Variants in PCMTD2 observed in about 807,000 individuals in gnomAD.
PCMTD2 encodes protein-L-isoaspartate (D-aspartate) O-methyltransferase domain containing 2, also known as protein-L-isoaspartate O-methyltransferase domain-containing protein 2.
In PCMTD2, 16 loss-of-function variants were observed where a neutral mutation model predicts 33.4. That is an observed-to-expected ratio of 0.48 (90% CI 0.32 to 0.73). The LOEUF (loss-of-function observed/expected upper bound fraction) is 0.73, where lower values mean the gene tolerates loss of function less well. PCMTD2 is among the 30% of genes least tolerant of loss of function. PCMTD2 has a pLI of 0.03. For missense variants in PCMTD2, 374 were observed against 449.9 expected, an observed-to-expected ratio of 0.83 and a Z score of 1.53; for synonymous variants, 161 against 160.8, an observed-to-expected ratio of 1.00 and a Z score of -0.01.
At chr20:64,258,941 C>T (rs73147887) in intron 1 of PCMTD2, 1 of 152,036 alleles carries the variant, frequency 6.6e-6, no homozygotes. Context: ...GACTTCTCCG[C>T]GTGAAAAAGT....
intron 5 of PCMTD2, among the ~76,000 whole-genome samples, chr20:64,269,730 C>T (rs543370422): frequency 1.9e-4 from 28 of 145,492 alleles, no homozygotes; most frequent in African/African-American, 5.9e-4. Context: ...CGTGAGAGTG[C>T]GGACATGCGC....
At chr20:64,264,862 A>ATT in intron 3 of PCMTD2, among the ~76,000 whole-genome samples, 1 of 152,254 alleles carries the variant, frequency 6.6e-6, no homozygotes, top group Non-Finnish European at 1.5e-5. Flanking sequence ...AAAAGAAGGC[A>ATT]TTAAAGTTCT....
chr20:64,273,108 A>G (rs1985972071), intron 5 of PCMTD2, 113 bp from the exon 6 acceptor site: 5 of 804,268 alleles, frequency 6.2e-6, no homozygotes, highest in South Asian at 1.7e-5. Flanking sequence ...TTCTTGTAAC[A>G]TATTCATAAA....
intron 5 of PCMTD2, among the ~76,000 whole-genome samples, chr20:64,268,612 G>A (rs1985755671): frequency 6.6e-6 from 1 of 152,098 alleles, no homozygotes; most frequent in South Asian, 2.1e-4. Flanking sequence ...ACACAGAAAT[G>A]AGAGTTCCAA....
intron 1 of PCMTD2, among the ~76,000 whole-genome samples, chr20:64,259,332 T>C (rs1419967155): frequency 6.6e-6 from 1 of 152,006 alleles, no homozygotes; most frequent in African/African-American, 2.4e-5. Context: ...ATGTTGGGGA[T>C]ATAGAATTCC....
In PCMTD2 at chr20:64,260,072, T is replaced by TC; in HGVS notation, c.108dup (p.Asp37ArgfsTer8). On this transcript the variant is annotated frameshift_variant, in exon 2 of 6. Coordinates refer to ENST00000308824, the MANE Select transcript of PCMTD2 (RefSeq NM_018257.3). LOFTEE classifies it high-confidence loss of function. Reference sequence around the variant, plus strand: ...CTGGTAGAGCAGGCTTTCAGAGCTATCGATCGTGCAGACTATTATCTTGAA... The same window carrying TC: ...CTGGTAGAGCAGGCTTTCAGAGCTATCCGATCGTGCAGACTATTATCTTGAA... 6.2e-7 allele frequency: 1 copy of TC among 1,612,160 alleles called. No individual in the cohort carries two copies. Among genetic ancestry groups the TC allele is most frequent in the East Asian group, 2.2e-5 (1 of 44,874 alleles).
intron 2 of PCMTD2, among the ~76,000 whole-genome samples, chr20:64,261,083 C>T (rs552654441): frequency 6.6e-6 from 1 of 152,210 alleles, no homozygotes; most frequent in African/African-American, 2.4e-5. Context: ...AGCTATTTAG[C>T]CTATTTTCCA....
At position 64,273,507 on chromosome 20, in the gene PCMTD2, A is replaced by C; in HGVS notation, c.993A>C (p.Pro331=). 6.2e-7 allele frequency: 1 copy of C among 1,603,454 alleles called. No homozygotes were observed. ...AGAAGACCCCGCCGGAAACAAAGCCAGACCCCCCAGTGAACTTCCTACGCC... is the reference window on the plus strand; with the variant it reads ...AGAAGACCCCGCCGGAAACAAAGCCCGACCCCCCAGTGAACTTCCTACGCC... ...EEEKTPPETK[P]DPPVNFLRQK... Residue 331 remains proline (P), a synonymous_variant, in exon 6 of 6, where the codon CCA becomes CCC. Transcript: ENST00000308824.
chr20:64,259,095 G>C (rs778455538), intron 1 of PCMTD2, among the ~76,000 whole-genome samples: 1 of 152,184 alleles, frequency 6.6e-6, no homozygotes, highest in African/African-American at 2.4e-5. Context: ...GGAAAGCTGC[G>C]TATCATGCAA....
chr20:64,273,125 A>G, intron 5 of PCMTD2, 96 bp from the exon 6 acceptor site: 1 of 990,774 alleles, frequency 1.0e-6, no homozygotes, highest in Non-Finnish European at 1.5e-6. Flanking sequence ...TAAATTTGCC[A>G]GTTAATTGAA....
At chr20:64,261,326 C>G (rs771059523) in intron 2 of PCMTD2, among the ~76,000 whole-genome samples, 1 of 152,136 alleles carries the variant, frequency 6.6e-6, no homozygotes, top group Admixed American at 6.5e-5. Flanking sequence ...TGGATGAAAC[C>G]AGTGCAGAGA....
chr20:64,266,712 G>A (rs1011723428), intron 4 of PCMTD2, among the ~76,000 whole-genome samples: 3 of 152,180 alleles, frequency 2.0e-5, no homozygotes, highest in Non-Finnish European at 2.9e-5. Flanking sequence ...GCTTATACAA[G>A]TGATATTACA....
intron 1 of PCMTD2, among the ~76,000 whole-genome samples, chr20:64,256,116 C>T (rs1463263883): frequency 6.6e-6 from 1 of 152,186 alleles, no homozygotes; most frequent in Middle Eastern, 3.2e-3. Flanking sequence ...GCCCGTTGCT[C>T]ACTCACACTC....
At position 64,273,381 on chromosome 20, in the gene PCMTD2, G is replaced by A. The variant is rs768582171; in HGVS notation, c.867G>A (p.Thr289=). ...GAGTTCGCCGCCGTCGAATGGAAAC[G>A]ATTGTCTTTTTGGACAAAGAAGTCT... ...RRRVRRRRME[T]IVFLDKEVFA... The change falls in exon 6 of 6, where the codon ACG becomes ACA. Residue 289 remains threonine (T), a synonymous_variant. Coordinates refer to ENST00000308824, the MANE Select transcript of PCMTD2 (RefSeq NM_018257.3). 1.3e-4 allele frequency: 209 copies of A among 1,614,036 alleles called. 3 individuals carry two copies. In the South Asian group the frequency reaches 1.6e-3, roughly 12 times the overall value.
Position 64,259,801 on chromosome 20 carries a change from C to A in PCMTD2, c.-24-141C>A, listed in dbSNP as rs567326940. 9 of 557,476 alleles carry A rather than the reference C, an allele frequency of 1.6e-5. No individual in the cohort carries two copies. The East Asian group carries it at 2.3e-4, about 15-fold the overall frequency. The allele number at this position is 557,476 out of a possible 1,614,324, so 34.5% of individuals were successfully genotyped here. A position where few individuals can be genotyped will look rare whatever the true frequency, so the allele number is the denominator to read the frequency against. On this transcript the variant is annotated intron_variant, in intron 1 of 5. Coordinates refer to ENST00000308824, the MANE Select transcript of PCMTD2 (RefSeq NM_018257.3). ...CTAAATCTGGCATCTCTGGGTGGGG[C>A]AGGGGATGAGGTGGGTGTTGACAAA... is the stretch of plus-strand genomic sequence containing the variant.
At position 64,267,914 on chromosome 20, in the gene PCMTD2, T is replaced by A; in HGVS notation, c.610T>A (p.Ser204Thr). The A allele has an allele frequency of 6.2e-7, 1 of 1,613,792 alleles. No individual in the cohort carries two copies. The highest frequency in any genetic ancestry group is 8.5e-7 in the Non-Finnish European group (1 of 1,179,690). ...GACTAAGATAACACGCACAGGTCCTTCAGCTTGGGAAACCAAAAAGATTCT... is the reference window on the plus strand; with the variant it reads ...GACTAAGATAACACGCACAGGTCCTACAGCTTGGGAAACCAAAAAGATTCT... The part of the protein sequence containing the change: ...KLTKITRTGP[S>T]AWETKKILAV... Residue 204 changes from serine (S) to threonine (T), a missense_variant, in exon 5 of 6, where the codon TCA becomes ACA. Ser to Thr is a moderately conservative substitution (Grantham distance 58). Coordinates refer to ENST00000308824, the MANE Select transcript of PCMTD2 (RefSeq NM_018257.3).
At chr20:64,269,423 G>C (rs1568736477) in intron 5 of PCMTD2, among the ~76,000 whole-genome samples, 2 of 152,236 alleles carry the variant, frequency 1.3e-5, no homozygotes, top group Non-Finnish European at 2.9e-5. Context: ...GTGGTGGGCA[G>C]TTTGGATGCT....
At chr20:64,266,887 C>A (rs1045928170) in intron 4 of PCMTD2, among the ~76,000 whole-genome samples, 4 of 152,020 alleles carry the variant, frequency 2.6e-5, no homozygotes, top group Admixed American at 1.3e-4. Context: ...TTTATTGATT[C>A]TATTGAAATA....
At chr20:64,269,370 G>T (rs532517900) in intron 5 of PCMTD2, among the ~76,000 whole-genome samples, 2 of 152,294 alleles carry the variant, frequency 1.3e-5, no homozygotes, top group African/African-American at 4.8e-5. Flanking sequence ...GAAACGAGCC[G>T]TTCCCTGTGG....
Sources: allele counts gnomAD v4.1 joint callset (sites outside exome capture counted in the v4.1 genomes callset), GRCh38; gene constraint gnomAD v4.1.1; transcripts MANE v1.5; gene names NCBI Gene and HGNC (gene_info 2026-07-23, HGNC 2026-07-21).